PHACTR2: variants seen among roughly 807,000 people sequenced by gnomAD.
The protein encoded by PHACTR2 is chromosome 6 open reading frame 56.
A neutral mutation model predicts 76.0 loss-of-function variants in PHACTR2; 30 were observed. That is an observed-to-expected ratio of 0.39 (90% CI 0.30 to 0.54). PHACTR2 has a LOEUF of 0.54. PHACTR2 is among the 20% of genes least tolerant of loss of function. PHACTR2 has a pLI of 0.61. For missense variants in PHACTR2, 696 were observed against 781.1 expected (o/e 0.89, Z 1.30); for synonymous variants, 292 against 292.5 (o/e 1.00, Z 0.02).
At chr6:143,694,497 C>G (rs1163394534) in intron 1 of PHACTR2, among the ~76,000 whole-genome samples, 1 of 152,124 alleles carries the variant, frequency 6.6e-6, no homozygotes, top group Non-Finnish European at 1.5e-5. Context: ...ATGTGAAGCC[C>G]TGTATTTGGA....
At chr6:143,687,885 C>A (rs1396733870) in intron 1 of PHACTR2, among the ~76,000 whole-genome samples, 2 of 152,226 alleles carry the variant, frequency 1.3e-5, no homozygotes, top group East Asian at 1.9e-4. Context: ...AAGAGTGGCA[C>A]CTTCATGCAG....
intron 2 of PHACTR2, among the ~76,000 whole-genome samples, chr6:143,744,020 C>A (rs1410781209): frequency 1.3e-5 from 2 of 152,198 alleles, no homozygotes; most frequent in Non-Finnish European, 2.9e-5. Context: ...CCTCTCCATG[C>A]CCAGAAGGAC....
Position 143,599,671 on chromosome 6 carries a change from A to G in PHACTR2, c.217+62464A>G, listed in dbSNP as rs1775793544. On this transcript the variant is annotated intron_variant, in intron 1 of 11. Coordinates refer to the PHACTR2 transcript ENST00000367584. This position sits in a 1 kb window ranked among gnomAD's most constrained non-coding sequence, Gnocchi z 4.6. ...TACGGAGGAAATTTTTTGAGTTGCA[A>G]AGGGTGCTTCCCTTGCTAGCCTATA... 6.6e-6 allele frequency among the ~76,000 whole-genome samples: 1 copy of G among 152,182 alleles called. No individual in the cohort carries two copies. Among genetic ancestry groups the G allele is most frequent in the Non-Finnish European group, 1.5e-5 (1 of 68,028 alleles).
chr6:143,599,344 A>T lies in PHACTR2; in HGVS notation c.217+62137A>T, dbSNP rs73592174. Among the ~76,000 whole-genome samples, 2,598 of 152,298 alleles carry T rather than the reference A, an allele frequency of 0.017. 67 individuals are homozygous for T. Among genetic ancestry groups the T allele is most frequent in the African/African-American group, 0.06 (2,482 of 41,558 alleles). ...AATTGATTCATGAGAGAAAAAAGTA[A>T]CATGCTTTTTAGGCATTTTTAGGAA... is the stretch of plus-strand genomic sequence containing the variant. On this transcript the variant is annotated intron_variant, in intron 1 of 11. Coordinates refer to the PHACTR2 transcript ENST00000367584. The surrounding 1 kb of genome is among the most constrained non-coding windows in gnomAD (Gnocchi z 4.6).
At position 143,821,680 on chromosome 6, in the gene PHACTR2, T is replaced by C. The variant is rs1582915142; in HGVS notation, c.1923-1994T>C. ...AGAGTGAGACTGCATAAAGCGCAGA[T>C]GGTAAGAGAGATAAAGGTAGAAGAA... On this transcript the variant is annotated intron_variant, in intron 12 of 12. Coordinates refer to ENST00000440869, the MANE Select transcript of PHACTR2 (RefSeq NM_001100164.2). The surrounding 1 kb of genome is among the most constrained non-coding windows in gnomAD (Gnocchi z 5.2). 6.6e-6 allele frequency among the ~76,000 whole-genome samples: 1 copy of C among 152,068 alleles called. No individual in the cohort carries two copies. Among genetic ancestry groups the C allele is most frequent in the African/African-American group, 2.4e-5 (1 of 41,410 alleles).
In PHACTR2 at chr6:143,730,217, T is replaced by A. The variant is rs572199338; in HGVS notation, c.214+18034T>A. On this transcript the variant is annotated intron_variant, in intron 2 of 12. Coordinates refer to ENST00000440869, the MANE Select transcript of PHACTR2 (RefSeq NM_001100164.2). This position sits in a 1 kb window ranked among gnomAD's most constrained non-coding sequence, Gnocchi z 4.8. ...GAAAAATTACTGCTGGGGTACTTTT[T>A]TTTGGCTAGGATTTTTATTTAAACT... is the stretch of plus-strand genomic sequence containing the variant. Among the ~76,000 whole-genome samples the A allele has an allele frequency of 6.6e-6, 1 of 152,296 alleles. No homozygotes were observed. Among genetic ancestry groups the A allele is most frequent in the Non-Finnish European group, 1.5e-5 (1 of 68,014 alleles).
chr6:143,680,002 T>A lies in PHACTR2; in HGVS notation c.46+1793T>A, dbSNP rs1777352540. Reference sequence around the variant, plus strand: ...CATACATCATAAATACAGGGTTTTTTATTTTTCAGTTAAGGAATGACAGTG... The same window carrying A: ...CATACATCATAAATACAGGGTTTTTAATTTTTCAGTTAAGGAATGACAGTG... On this transcript the variant is annotated intron_variant, in intron 1 of 12. Transcript: ENST00000440869. The surrounding 1 kb of genome is among the most constrained non-coding windows in gnomAD (Gnocchi z 4.5). Among the ~76,000 whole-genome samples, 1 of 152,186 alleles carries A rather than the reference T, an allele frequency of 6.6e-6. No homozygotes were observed. The highest frequency in any genetic ancestry group is 2.1e-4 in the South Asian group (1 of 4,838).
chr6:143,608,609 G>A lies in PHACTR2; in HGVS notation c.13+287G>A, dbSNP rs558880777. ...TGTTTGATTCTTTTGTGCTCAGAGCGATGGGTGGAAAATGCATACAGTTAG... is the reference window on the plus strand; with the variant it reads ...TGTTTGATTCTTTTGTGCTCAGAGCAATGGGTGGAAAATGCATACAGTTAG... On this transcript the variant is annotated intron_variant, in intron 1 of 11. Transcript: ENST00000305766. This position sits in a 1 kb window ranked among gnomAD's most constrained non-coding sequence, Gnocchi z 4.6. Among the ~76,000 whole-genome samples the A allele has an allele frequency of 2.6e-5, 4 of 152,262 alleles. No individual in the cohort carries two copies. In the South Asian group the frequency reaches 6.2e-4, roughly 24 times the overall value.
chr6:143,614,758 C>T (rs924285926), intron 1 of PHACTR2, among the ~76,000 whole-genome samples: 2 of 152,136 alleles, frequency 1.3e-5, no homozygotes, highest in African/African-American at 4.8e-5. Flanking sequence ...CCTTTCACTG[C>T]TCATAAACAT....
In PHACTR2 at chr6:143,646,633, C is replaced by A. The variant is rs953843819; in HGVS notation, c.13+38311C>A. Among the ~76,000 whole-genome samples the A allele has an allele frequency of 6.6e-6, 1 of 152,120 alleles. No homozygotes were observed. Among genetic ancestry groups the A allele is most frequent in the Non-Finnish European group, 1.5e-5 (1 of 68,012 alleles). ...GCAAATAGAGAAGATAATTAGAATT[C>A]CACTTTTCTTGAAATGTCAAGAAGG... On this transcript the variant is annotated intron_variant, in intron 1 of 11. Coordinates refer to the PHACTR2 transcript ENST00000305766. The surrounding 1 kb of genome is among the most constrained non-coding windows in gnomAD (Gnocchi z 4.1).
rs1470828368 is a variant in PHACTR2, at chr6:143,592,638, A to G, written c.217+55431A>G. Among the ~76,000 whole-genome samples, 4 of 152,052 alleles carry G rather than the reference A, an allele frequency of 2.6e-5. No individual in the cohort carries two copies. The highest frequency in any genetic ancestry group is 5.9e-5 in the Non-Finnish European group (4 of 68,020). Reference sequence around the variant, plus strand: ...GTCCTTCCCTCTGTCTGTCCATCTCATCGATAAAGCCATGCGTATATGAAG... The same window carrying G: ...GTCCTTCCCTCTGTCTGTCCATCTCGTCGATAAAGCCATGCGTATATGAAG... On this transcript the variant is annotated intron_variant, in intron 1 of 11. Coordinates refer to the PHACTR2 transcript ENST00000367584. The surrounding 1 kb of genome is among the most constrained non-coding windows in gnomAD (Gnocchi z 4.0).
rs1027802156 is a variant in PHACTR2, at chr6:143,652,617, G to A, written c.13+44295G>A. On this transcript the variant is annotated intron_variant, in intron 1 of 11. Coordinates refer to the PHACTR2 transcript ENST00000305766. This position sits in a 1 kb window ranked among gnomAD's most constrained non-coding sequence, Gnocchi z 4.5. ...TTTTCAGATCTTATTAAAAAGCTCA[G>A]GGTTTCGGGAATCCGACTGTTCTGC... is the stretch of plus-strand genomic sequence containing the variant. Among the ~76,000 whole-genome samples the A allele has an allele frequency of 5.9e-5, 9 of 152,218 alleles. No homozygotes were observed. The highest frequency in any genetic ancestry group is 2.2e-4 in the African/African-American group (9 of 41,458).
At chr6:143,771,158 G>GTATATATATATATGTGTATATATA (rs1775100314) in intron 6 of PHACTR2, among the ~76,000 whole-genome samples, 8 of 14,590 alleles carry the variant, frequency 5.5e-4, no homozygotes, top group African/African-American at 1.2e-3. Context: ...ATATATATAT[G>GTATATATATATATGTGTATATATA]TATATATATA....
At chr6:143,677,664 CT>C (rs1554219479), upstream of PHACTR2, among the ~76,000 whole-genome samples, 2 of 152,228 alleles carry the variant, frequency 1.3e-5, no homozygotes, top group Non-Finnish European at 2.9e-5. Flanking sequence ...AAGGAAATAA[CT>C]TTTAAGAAAC....
intron 1 of PHACTR2, among the ~76,000 whole-genome samples, chr6:143,586,877 A>T (rs1289654119): frequency 6.6e-6 from 1 of 152,160 alleles, no homozygotes; most frequent in African/African-American, 2.4e-5. Context: ...CAGCCTTTGA[A>T]GTCGAGTCCC....
chr6:143,584,661 A>G (rs1173583260), intron 1 of PHACTR2, among the ~76,000 whole-genome samples: 4 of 152,232 alleles, frequency 2.6e-5, no homozygotes, highest in African/African-American at 4.8e-5. Context: ...TTTGTAGGAA[A>G]TGAGCAAATG....
chr6:143,783,097 A>C lies in PHACTR2; in HGVS notation c.1646-122A>C. On this transcript the variant is annotated intron_variant, in intron 9 of 12. Coordinates refer to ENST00000440869, the MANE Select transcript of PHACTR2 (RefSeq NM_001100164.2). The surrounding 1 kb of genome is among the most constrained non-coding windows in gnomAD (Gnocchi z 5.2). ...CAAAATATTTTGACAACTTTTTAAC[A>C]ATGTTGGTTGTGTGTTTGATCATTA... 1.6e-6 allele frequency: 1 copy of C among 609,986 alleles called. No individual in the cohort carries two copies. Among genetic ancestry groups the C allele is most frequent in the African/African-American group, 1.9e-5 (1 of 53,088 alleles). The allele number at this position is 609,986 out of a possible 1,614,324, so 37.8% of individuals were successfully genotyped here.
rs1034712035 is a variant in PHACTR2, at chr6:143,541,554, G to A, written c.217+4347G>A. On this transcript the variant is annotated intron_variant, in intron 1 of 11. Transcript: ENST00000367584. This position sits in a 1 kb window ranked among gnomAD's most constrained non-coding sequence, Gnocchi z 5.3. Reference sequence around the variant, plus strand: ...ACCACTTCATTAGCTTAATGTGCAAGTACAATCTCATCTTTTTATTACTGT... The same window carrying A: ...ACCACTTCATTAGCTTAATGTGCAAATACAATCTCATCTTTTTATTACTGT... Among the ~76,000 whole-genome samples the A allele has an allele frequency of 2.0e-5, 3 of 152,348 alleles. No individual in the cohort carries two copies. Among genetic ancestry groups the A allele is most frequent in the Middle Eastern group, 3.4e-3 (1 of 294 alleles).
intron 4 of PHACTR2, among the ~76,000 whole-genome samples, chr6:143,758,252 T>C (rs1424549832): frequency 1.3e-5 from 2 of 152,156 alleles, no homozygotes; most frequent in South Asian, 4.1e-4. Context: ...AGTGACATGC[T>C]ATTAAGGGAG....
Sources: gnomAD v4.1 joint callset for allele counts (sites outside exome capture counted in the v4.1 genomes callset) on GRCh38, gnomAD v4.1.1 for gene constraint, Gnocchi (gnomAD v3.1) non-coding constraint, MANE v1.5 for transcripts, NCBI Gene and HGNC (gene_info 2026-07-23, HGNC 2026-07-21) for gene names.